Variants in CAMTA1 observed in about 807,000 individuals in gnomAD.
CAMTA1 encodes the protein calmodulin-binding transcription activator 1.
A neutral mutation model predicts 170.9 loss-of-function variants in CAMTA1; 27 were observed. The observed-to-expected ratio is 0.16, with a 90% CI of 0.12 to 0.22. The LOEUF (loss-of-function observed/expected upper bound fraction) is 0.22, where lower values mean the gene tolerates loss of function less well. CAMTA1 is among the 10% of genes least tolerant of loss of function. The pLI is 1.00. For missense variants in CAMTA1, 1,619 were observed against 2,217.2 expected, an observed-to-expected ratio of 0.73 and a Z score of 5.42; for synonymous variants, 833 against 891.5, an observed-to-expected ratio of 0.93 and a Z score of 1.17.
chr1:6,960,307 A>G (rs905706821), intron 3 of CAMTA1, among the ~76,000 whole-genome samples: 1 of 152,118 alleles, frequency 6.6e-6, no homozygotes, highest in Non-Finnish European at 1.5e-5. Context: ...AGATGGAGGG[A>G]AAATGAGGCC....
chr1:7,184,431 T>C (rs1351897461), intron 4 of CAMTA1, among the ~76,000 whole-genome samples: 8 of 152,242 alleles, frequency 5.3e-5, no homozygotes, highest in African/African-American at 1.7e-4. Context: ...CCATTTATCC[T>C]GATGTGATTT....
At chr1:7,087,252 TC>T (rs1435212428) in intron 3 of CAMTA1, among the ~76,000 whole-genome samples, 4 of 152,324 alleles carry the variant, frequency 2.6e-5, no homozygotes, top group Non-Finnish European at 5.9e-5. Context: ...CATCTCCCGC[TC>T]TGTGTGTTGC....
intron 3 of CAMTA1, among the ~76,000 whole-genome samples, chr1:7,032,675 C>G (rs1702970113): frequency 7.4e-6 from 1 of 134,260 alleles, no homozygotes; most frequent in Non-Finnish European, 1.7e-5. Context: ...ATCCAGATTT[C>G]CATCTGCTAT....
At chr1:7,486,875 G>A (rs996340064) in intron 6 of CAMTA1, among the ~76,000 whole-genome samples, 2 of 152,144 alleles carry the variant, frequency 1.3e-5, no homozygotes, top group South Asian at 2.1e-4. Context: ...ATACAGAAGC[G>A]GCGGCTTCCC....
Position 7,345,878 on chromosome 1 carries a change from T to C in CAMTA1, c.438+96252T>C, listed in dbSNP as rs535132685. Among the ~76,000 whole-genome samples, 4 of 152,280 alleles carry C rather than the reference T, an allele frequency of 2.6e-5. No homozygotes were observed. The South Asian group carries it at 8.3e-4, about 32-fold the overall frequency. On this transcript the variant is annotated intron_variant, in intron 5 of 22. Transcript: ENST00000303635. ...AAGAATCCCACCGCATCTGTGGAAA[T>C]ACAGCAGGAGGGAGAGCTCCAGGAC...
chr1:6,831,226 AC>A (rs1650011452), intron 3 of CAMTA1, among the ~76,000 whole-genome samples: 1 of 152,204 alleles, frequency 6.6e-6, no homozygotes, highest in African/African-American at 2.4e-5. Context: ...ATTAAGCCTG[AC>A]TTTTATATTC....
chr1:7,073,090 A>G (rs1331156532), intron 3 of CAMTA1, among the ~76,000 whole-genome samples: 2 of 152,082 alleles, frequency 1.3e-5, no homozygotes. Context: ...TTAAGATGGG[A>G]GAAGTGTTGG....
chr1:7,222,553 G>T (rs541991255), intron 4 of CAMTA1, among the ~76,000 whole-genome samples: 1 of 152,266 alleles, frequency 6.6e-6, no homozygotes, highest in Admixed American at 6.5e-5. Flanking sequence ...AGTGAGTTAT[G>T]TTTCTGTGGG....
chr1:7,298,816 G>A (rs1026538425), intron 5 of CAMTA1, among the ~76,000 whole-genome samples: 3 of 152,128 alleles, frequency 2.0e-5, no homozygotes, highest in Admixed American at 6.5e-5. Context: ...TTTCAGACAC[G>A]TGGGTGAGTC....
intron 6 of CAMTA1, among the ~76,000 whole-genome samples, chr1:7,480,129 G>C (rs1212303859): frequency 1.5e-5 from 2 of 136,358 alleles, no homozygotes; most frequent in Non-Finnish European, 3.2e-5. Context: ...GTGTGAGTAT[G>C]TGTGTGTGAG....
rs138528396 is a variant in CAMTA1, at chr1:7,579,704, C to T, written c.511-60696C>T. 6.1e-4 allele frequency among the ~76,000 whole-genome samples: 93 copies of T among 151,834 alleles called. 1 individual carries two copies. In the East Asian group the frequency reaches 0.014, roughly 23 times the overall value. On this transcript the variant is annotated intron_variant, in intron 6 of 22. Transcript: ENST00000303635. ...CCTCCTGAGTAGCTGGCACTACAGG[C>T]GCCCACCACCATGCCCGGCTAATTT...
chr1:7,012,035 C>T (rs1699877807), intron 3 of CAMTA1, among the ~76,000 whole-genome samples: 1 of 152,214 alleles, frequency 6.6e-6, no homozygotes, highest in African/African-American at 2.4e-5. Flanking sequence ...TCATCATGCT[C>T]ACTGGGGGAA....
In CAMTA1 at chr1:7,635,120, C is replaced by T. The variant is rs1161813857; in HGVS notation, c.511-5280C>T. Among the ~76,000 whole-genome samples the T allele has an allele frequency of 6.6e-6, 1 of 152,236 alleles. No individual in the cohort carries two copies. Among genetic ancestry groups the T allele is most frequent in the East Asian group, 1.9e-4 (1 of 5,192 alleles). On this transcript the variant is annotated intron_variant, in intron 6 of 22. Transcript: ENST00000303635. The surrounding 1 kb of genome is among the most constrained non-coding windows in gnomAD (Gnocchi z 4.4). ...GGCCTCCAGGAAAGCAAGGGCTCATCTCCAAAGGTCACGATCACTTTGGGG... is the reference window on the plus strand; with the variant it reads ...GGCCTCCAGGAAAGCAAGGGCTCATTTCCAAAGGTCACGATCACTTTGGGG...
chr1:7,355,739 C>T (rs901247439), intron 5 of CAMTA1, among the ~76,000 whole-genome samples: 2 of 152,200 alleles, frequency 1.3e-5, no homozygotes, highest in African/African-American at 4.8e-5. Context: ...GGCCTTCCAC[C>T]CCTCCCCTCT....
intron 16 of CAMTA1, among the ~76,000 whole-genome samples, chr1:7,739,735 C>T (rs1408405511): frequency 2.0e-5 from 3 of 152,292 alleles, no homozygotes; most frequent in East Asian, 1.9e-4. Context: ...AAACCACCCC[C>T]GTGATTCAGT....
At chr1:7,231,683 A>G (rs920821167) in intron 4 of CAMTA1, among the ~76,000 whole-genome samples, 1 of 152,116 alleles carries the variant, frequency 6.6e-6, no homozygotes, top group Non-Finnish European at 1.5e-5. Flanking sequence ...GAGATTTTCA[A>G]TCAAAGCTGC....
intron 3 of CAMTA1, among the ~76,000 whole-genome samples, chr1:7,058,707 G>T (rs1296263471): frequency 2.6e-5 from 4 of 152,044 alleles, no homozygotes; most frequent in Non-Finnish European, 5.9e-5. Context: ...AAAGTTCTAG[G>T]GTCTGAACAT....
In CAMTA1 at chr1:7,588,634, T is replaced by C. The variant is rs560754417; in HGVS notation, c.511-51766T>C. ...GAGCAGCCCCAGCCACAGTGGCCCA[T>C]GTTGTTCCCTCCCTTGCAGGGCAAC... is the stretch of plus-strand genomic sequence containing the variant. On this transcript the variant is annotated intron_variant, in intron 6 of 22. Coordinates refer to ENST00000303635, the MANE Select transcript of CAMTA1 (RefSeq NM_015215.4). The surrounding 1 kb of genome is among the most constrained non-coding windows in gnomAD (Gnocchi z 5.8). 6.6e-6 allele frequency among the ~76,000 whole-genome samples: 1 copy of C among 152,254 alleles called. No individual in the cohort carries two copies. Among genetic ancestry groups the C allele is most frequent in the South Asian group, 2.1e-4 (1 of 4,828 alleles).
intron 3 of CAMTA1, among the ~76,000 whole-genome samples, chr1:7,004,565 A>T (rs1698704148): frequency 6.6e-6 from 1 of 152,196 alleles, no homozygotes; most frequent in South Asian, 2.1e-4. Flanking sequence ...TAAAGCATAT[A>T]TACAAAAAAG....
Sources: gnomAD v4.1 joint callset for allele counts (sites outside exome capture counted in the v4.1 genomes callset) on GRCh38, gnomAD v4.1.1 for gene constraint, Gnocchi (gnomAD v3.1) non-coding constraint, MANE v1.5 for transcripts, NCBI Gene and HGNC (gene_info 2026-07-23, HGNC 2026-07-21) for gene names.